Variants in TNNT2 observed in about 807,000 individuals in gnomAD.
TNNT2 encodes the protein troponin T2, cardiac type, also known as troponin T, cardiac muscle.
Under a neutral mutation model 62.4 loss-of-function variants are expected in TNNT2, and 34 were observed. The observed-to-expected ratio is 0.54, with a 90% CI of 0.41 to 0.72. The LOEUF (loss-of-function observed/expected upper bound fraction) is 0.72, where lower values mean the gene tolerates loss of function less well. Ranked by LOEUF, TNNT2 falls within the 30% of genes least tolerant of loss-of-function variation. The probability of loss-of-function intolerance (pLI) is 0.00; values close to 1 mark genes in which losing one functional copy is unlikely to be tolerated. For synonymous variants in TNNT2, 123 were observed against 127.2 expected, an observed-to-expected ratio of 0.97 and a Z score of 0.22; for missense variants, 275 against 381.9, an observed-to-expected ratio of 0.72 and a Z score of 2.33.
chr1:201,373,310 C>T, intron 1 of TNNT2, 42 bp from the exon 2 acceptor site: 1 of 1,580,890 alleles, frequency 6.3e-7, no homozygotes, highest in South Asian at 1.1e-5. Context: ...CAAAGGGAAG[C>T]CTGCCTTCCT....
In TNNT2 at chr1:201,359,160, C is replaced by T. The variant is rs773131107; in HGVS notation, c.*50G>A. The T allele has an allele frequency of 1.5e-5, 24 of 1,588,416 alleles. No homozygotes were observed. The highest frequency in any genetic ancestry group is 2.7e-5 in the African/African-American group (2 of 74,884). On this transcript the variant is annotated 3_prime_UTR_variant, in exon 17 of 17. Transcript: ENST00000656932. Reference sequence around the variant, plus strand: ...GCCCGGGAACTGGGGGAGTGCAGGCCGGAGGCAGGTGCGAGCGAGGAGCAG... The same window carrying T: ...GCCCGGGAACTGGGGGAGTGCAGGCTGGAGGCAGGTGCGAGCGAGGAGCAG...
At chr1:201,369,163 G>A (rs1310459556) in intron 5 of TNNT2, among the ~76,000 whole-genome samples, 1 of 152,088 alleles carries the variant, frequency 6.6e-6, no homozygotes, top group Non-Finnish European at 1.5e-5. Context: ...CCACCCAGTG[G>A]CCATGCAACA....
chr1:201,376,243 C>T (rs1661383229), intron 1 of TNNT2, among the ~76,000 whole-genome samples: 1 of 152,170 alleles, frequency 6.6e-6, no homozygotes, highest in Non-Finnish European at 1.5e-5. Context: ...CAATAGAAGG[C>T]ATAAGGCATA....
At chr1:201,376,359 G>A (rs12564445) in intron 1 of TNNT2, among the ~76,000 whole-genome samples, 40,148 of 152,064 alleles carry the variant, frequency 0.26, 5,980 homozygotes, top group African/African-American at 0.41. Context: ...TACAAAGCAG[G>A]AGAGCCTTGA....
At chr1:201,360,321 T>G (rs1658380067) in intron 15 of TNNT2, 1 of 156,684 alleles carries the variant, frequency 6.4e-6, no homozygotes, top group Non-Finnish European at 1.4e-5. Context: ...TGGGACATGC[T>G]TGGAACAGTG....
At chr1:201,369,689 G>T in intron 5 of TNNT2, 127 bp downstream of exon 5, 1 of 1,147,430 alleles carries the variant, frequency 8.7e-7, no homozygotes, top group South Asian at 1.2e-5. Flanking sequence ...GGGAGGAAAC[G>T]ACTGACCCAC....
chr1:201,366,552 G>A, intron 8 of TNNT2: 14 of 1,329,618 alleles, frequency 1.1e-5, no homozygotes, highest in Non-Finnish European at 1.4e-5. Flanking sequence ...TGGCCATACT[G>A]TGAGAGAGGA....
intron 14 of TNNT2, 47 bp downstream of exon 14, chr1:201,361,866 A>G: frequency 6.4e-7 from 1 of 1,565,186 alleles, no homozygotes; most frequent in Non-Finnish European, 8.8e-7. Flanking sequence ...GACCCCTCCC[A>G]GAGCAGATGC....
At chr1:201,359,348 A>G in intron 16 of TNNT2, 93 bp from the exon 17 acceptor site, 1 of 1,498,146 alleles carries the variant, frequency 6.7e-7, no homozygotes, top group Non-Finnish European at 9.1e-7. Flanking sequence ...CAAAGGGGAG[A>G]GGAGCAGGCT....
chr1:201,375,741 G>A (rs1272898330), intron 1 of TNNT2, among the ~76,000 whole-genome samples: 2 of 152,192 alleles, frequency 1.3e-5, no homozygotes, highest in African/African-American at 4.8e-5. Flanking sequence ...CAGTGGGAGG[G>A]AGAAAATTCT....
intron 8 of TNNT2, chr1:201,366,142 C>T: frequency 9.3e-7 from 1 of 1,076,164 alleles, no homozygotes; most frequent in South Asian, 3.1e-5. Flanking sequence ...TTCATGTCCC[C>T]ATCTGCCCTC....
rs373069229 is a variant in TNNT2, at chr1:201,361,272, G to T, written c.810+7C>A. The T allele has an allele frequency of 2.5e-6, 4 of 1,613,622 alleles. No homozygotes were observed. Among genetic ancestry groups the T allele is most frequent in the Non-Finnish European group, 3.4e-6 (4 of 1,179,694 alleles). On this transcript the variant is annotated splice_region_variant and intron_variant, in intron 15 of 16. Coordinates refer to ENST00000656932, the MANE Select transcript of TNNT2 (RefSeq NM_001276345.2). The stretch of plus-strand genomic sequence containing the variant: ...AGATGCTGGGCGGGGACAGCATGGC[G>T]GCCCACCTCATATTTCTGCTGCTTG...
chr1:201,371,884 TTTTAGAAG>T (rs1353041281), intron 4 of TNNT2, 135 bp downstream of exon 4: 116 of 1,133,252 alleles, frequency 1.0e-4, no homozygotes, highest in Admixed American at 3.5e-4. Flanking sequence ...CTGATTCCCA[TTTTAGAAG>T]GCACTGTTGT....
chr1:201,371,696 G>A (rs1660625212), intron 4 of TNNT2, among the ~76,000 whole-genome samples: 1 of 152,082 alleles, frequency 6.6e-6, no homozygotes, highest in South Asian at 2.1e-4. Context: ...GGTACCTTGG[G>A]CAGGGGGGGC....
intron 5 of TNNT2, among the ~76,000 whole-genome samples, chr1:201,369,165 C>T (rs928824134): frequency 1.1e-4 from 17 of 152,182 alleles, no homozygotes; most frequent in African/African-American, 4.1e-4. Context: ...ACCCAGTGGC[C>T]ATGCAACATC....
Position 201,362,287 on chromosome 1 carries a change from C to A in TNNT2, c.609+99G>T, listed in dbSNP as rs745658380. On this transcript the variant is annotated intron_variant, in intron 13 of 16. Transcript: ENST00000656932. ...CAGCTTCCCCCCTCCCCAGCCAGCC[C>A]AATCTCTTCACTCCTCCCCTCCAGC... The A allele has an allele frequency of 1.9e-5, 30 of 1,559,622 alleles. No homozygotes were observed. The South Asian group carries it at 2.5e-4, about 13-fold the overall frequency.
rs910130228 is a variant in TNNT2, at chr1:201,359,136, C to T, written c.*74G>A. ...GAGCTGCCTGGGGTGCCCAGGAGGG[C>T]CCGGGAACTGGGGGAGTGCAGGCCG... is the stretch of plus-strand genomic sequence containing the variant. On this transcript the variant is annotated 3_prime_UTR_variant, in exon 17 of 17. Transcript: ENST00000656932. 1 of 1,563,326 alleles carries T rather than the reference C, an allele frequency of 6.4e-7. No individual in the cohort carries two copies.
At chr1:201,362,347 C>A in intron 13 of TNNT2, 39 bp downstream of exon 13, 1 of 1,612,872 alleles carries the variant, frequency 6.2e-7, no homozygotes, top group African/African-American at 1.3e-5. Context: ...CTCTCCAAAA[C>A]TATGGGGAGG....
chr1:201,373,346 C>T, intron 1 of TNNT2, 78 bp from the exon 2 acceptor site: 1 of 1,303,680 alleles, frequency 7.7e-7, no homozygotes, highest in Non-Finnish European at 1.1e-6. Context: ...CCCCGTTGTA[C>T]AGAGATCAGC....
Sources: allele counts gnomAD v4.1 joint callset (sites outside exome capture counted in the v4.1 genomes callset), GRCh38; gene constraint gnomAD v4.1.1; transcripts MANE v1.5; gene names NCBI Gene and HGNC (gene_info 2026-07-23, HGNC 2026-07-21).